Variants in MAFF observed in about 807,000 individuals in gnomAD.
The protein encoded by MAFF is transcription factor MafF.
Under a neutral mutation model 2.7 loss-of-function variants are expected in MAFF, and 4 were observed. The ratio of observed to expected loss-of-function variants is 1.48; its 90% CI spans 0.73 to 3.39. MAFF has a LOEUF of 3.39. Ranked by LOEUF, MAFF falls within the 30% of genes most tolerant of loss-of-function variation. The pLI, the probability that MAFF is intolerant of heterozygous loss-of-function variation, is 0.01. For missense variants in MAFF, 190 were observed against 246.6 expected (o/e 0.77, Z 1.54); for synonymous variants, 113 against 119.4 (o/e 0.95, Z 0.35).
At position 38,215,893 on chromosome 22, in the gene MAFF, C is replaced by G. The variant is rs940145701; in HGVS notation, c.*1015C>G. 1 of 167,168 alleles carries G rather than the reference C, an allele frequency of 6.0e-6. No homozygotes were observed. Among genetic ancestry groups the G allele is most frequent in the Non-Finnish European group, 1.5e-5 (1 of 68,164 alleles). The allele number at this position is 167,168 out of a possible 1,614,324, so 10.4% of individuals were successfully genotyped here. On this transcript the variant is annotated 3_prime_UTR_variant, in exon 3 of 3. Coordinates refer to ENST00000338483, the MANE Select transcript of MAFF (RefSeq NM_012323.4). The stretch of plus-strand genomic sequence containing the variant: ...GGAAGCCCAGTCTCAGTCCCTCCCC[C>G]AACACTGTCCACACTGCCCCTCCCC...
At chr22:38,203,165 C>T (rs1040008589) in intron 1 of MAFF, 2 of 152,264 alleles carry the variant, frequency 1.3e-5, no homozygotes, top group East Asian at 3.8e-4. Flanking sequence ...CGTTCGTCCC[C>T]AGGGTTGCCC....
chr22:38,214,387 G>T lies in MAFF; in HGVS notation c.37-33G>T. 6.5e-7 allele frequency: 1 copy of T among 1,543,960 alleles called. No individual in the cohort carries two copies. Reference sequence around the variant, plus strand: ...GGTGGAGCGGGGGGGCCCGTCCCCAGTCCCCTGGACCTCAGTTTCCTCATG... The same window carrying T: ...GGTGGAGCGGGGGGGCCCGTCCCCATTCCCCTGGACCTCAGTTTCCTCATG... On this transcript the variant is annotated intron_variant, in intron 2 of 2. Coordinates refer to ENST00000338483, the MANE Select transcript of MAFF (RefSeq NM_012323.4). The surrounding 1 kb of genome is among the most constrained non-coding windows in gnomAD (Gnocchi z 6.3).
chr22:38,210,623 A>AGTGTGTGTGT (rs71195095), intron 1 of MAFF, among the ~76,000 whole-genome samples: 18,654 of 132,846 alleles, frequency 0.14, 1,589 homozygotes, highest in East Asian at 0.21. Context: ...GGACACAGGG[A>AGTGTGTGTGT]GTGTGTGTGT....
chr22:38,215,020 G>A lies in MAFF; in HGVS notation c.*142G>A, dbSNP rs540474027. On this transcript the variant is annotated 3_prime_UTR_variant, in exon 3 of 3. Coordinates refer to ENST00000338483, the MANE Select transcript of MAFF (RefSeq NM_012323.4). Reference sequence around the variant, plus strand: ...CACACACATTCCCTTCGTGGGCCCTGTCTTCCTCTTGCAGCCCCCCAAACT... The same window carrying A: ...CACACACATTCCCTTCGTGGGCCCTATCTTCCTCTTGCAGCCCCCCAAACT... 4.4e-6 allele frequency: 3 copies of A among 679,266 alleles called. No homozygotes were observed. Among genetic ancestry groups the A allele is most frequent in the Non-Finnish European group, 7.7e-6 (3 of 390,404 alleles). The allele number at this position is 679,266 out of a possible 1,614,324, so 42.1% of individuals were successfully genotyped here.
chr22:38,207,225 G>A (rs897690225), intron 1 of MAFF, among the ~76,000 whole-genome samples: 2 of 150,168 alleles, frequency 1.3e-5, no homozygotes, highest in Admixed American at 6.7e-5. Flanking sequence ...GGTTCTAAGC[G>A]ATTCTCCTGC....
chr22:38,210,216 C>A (rs540289595), intron 1 of MAFF, among the ~76,000 whole-genome samples: 3 of 152,346 alleles, frequency 2.0e-5, no homozygotes, highest in Admixed American at 2.0e-4. Flanking sequence ...ACCTGGGTGA[C>A]CCCTAAGACT....
chr22:38,210,138 G>A (rs1451617151), intron 1 of MAFF, among the ~76,000 whole-genome samples: 1 of 152,174 alleles, frequency 6.6e-6, no homozygotes, highest in Non-Finnish European at 1.5e-5. Flanking sequence ...CCGTGGATCC[G>A]CACAGGGGTC....
chr22:38,213,198 A>AAAAAAAAG (rs2091115383), intron 1 of MAFF, among the ~76,000 whole-genome samples: 1 of 120,474 alleles, frequency 8.3e-6, no homozygotes, highest in East Asian at 2.5e-4. Flanking sequence ...AAAAAAAAAA[A>AAAAAAAAG]AAAGAAAGAA....
chr22:38,212,618 G>A (rs2091109490), intron 1 of MAFF, among the ~76,000 whole-genome samples: 1 of 152,172 alleles, frequency 6.6e-6, no homozygotes, highest in African/African-American at 2.4e-5. Context: ...GGAGGATTAG[G>A]AGATGAGAGG....
At position 38,202,080 on chromosome 22, in the gene MAFF, G is replaced by T. The variant is rs1442384031; in HGVS notation, c.-164G>T. 6.6e-6 allele frequency: 1 copy of T among 152,320 alleles called. No homozygotes were observed. Among genetic ancestry groups the T allele is most frequent in the African/African-American group, 2.4e-5 (1 of 41,468 alleles). 9.4% of individuals were successfully genotyped at this position (152,320 alleles called of 1,614,324 possible). On this transcript the variant is annotated 5_prime_UTR_variant, in exon 1 of 3. Transcript: ENST00000338483. This position sits in a 1 kb window ranked among gnomAD's most constrained non-coding sequence, Gnocchi z 7.4. ...CAACAAAACTCAGCGCAGCGCTCCCGGGCGCCCGGTTCAGAGCGACCTGCG... is the reference window on the plus strand; with the variant it reads ...CAACAAAACTCAGCGCAGCGCTCCCTGGCGCCCGGTTCAGAGCGACCTGCG...
intron 1 of MAFF, among the ~76,000 whole-genome samples, chr22:38,209,347 G>A (rs1195526714): frequency 1.3e-5 from 2 of 152,058 alleles, no homozygotes; most frequent in East Asian, 3.9e-4. Flanking sequence ...TTATAGGCAT[G>A]AGCCACCTTG....
chr22:38,211,163 G>A (rs2091097119), intron 1 of MAFF, among the ~76,000 whole-genome samples: 1 of 152,102 alleles, frequency 6.6e-6, no homozygotes, highest in African/African-American at 2.4e-5. Context: ...GGGTGTGGCT[G>A]AGGCAGGGGA....
intron 1 of MAFF, among the ~76,000 whole-genome samples, chr22:38,206,945 C>A (rs534517467): frequency 1.3e-5 from 2 of 152,216 alleles, no homozygotes; most frequent in African/African-American, 4.8e-5. Flanking sequence ...AATCGTATCC[C>A]TAGCGGGCCC....
At chr22:38,213,641 C>T (rs1350076078) in intron 1 of MAFF, 182 bp from the exon 2 acceptor site, 2 of 680,002 alleles carry the variant, frequency 2.9e-6, no homozygotes, top group East Asian at 5.7e-5. Context: ...CTGTGCACAG[C>T]TCCCGCGGCT....
At chr22:38,213,921 G>T in intron 2 of MAFF, 32 bp downstream of exon 2, 2 of 1,612,618 alleles carry the variant, frequency 1.2e-6, no homozygotes, top group South Asian at 2.2e-5. Context: ...ACCCAGTGAA[G>T]CCCTCCCTCC....
In MAFF at chr22:38,214,730, G is replaced by T; in HGVS notation, c.347G>T (p.Gly116Val). Residue 116 changes from glycine to valine, a missense_variant, in exon 3 of 3, where the codon GGC (glycine) becomes GTC (valine). Gly to Val is a moderately radical substitution (Grantham distance 109). Coordinates refer to ENST00000338483, the MANE Select transcript of MAFF (RefSeq NM_012323.4). This position sits in a 1 kb window ranked among gnomAD's most constrained non-coding sequence, Gnocchi z 6.3. ...ALRGKCEALQ[G>V]FARSVAAARG... ...CGCGGCAAGTGCGAGGCGCTGCAGGGCTTCGCGCGCTCCGTGGCCGCCGCC... is the reference window on the plus strand; with the variant it reads ...CGCGGCAAGTGCGAGGCGCTGCAGGTCTTCGCGCGCTCCGTGGCCGCCGCC... 1.4e-6 allele frequency: 2 copies of T among 1,443,250 alleles called. No homozygotes were observed. Among genetic ancestry groups the T allele is most frequent in the Non-Finnish European group, 1.8e-6 (2 of 1,107,700 alleles). The allele number at this position is 1,443,250 out of a possible 1,614,324, so 89.4% of individuals were successfully genotyped here.
chr22:38,207,136 T>TTA (rs2091058107), intron 1 of MAFF, among the ~76,000 whole-genome samples: 2 of 151,946 alleles, frequency 1.3e-5, no homozygotes, highest in African/African-American at 4.8e-5. Context: ...TATTATTATT[T>TTA]TTGAGATGGA....
In MAFF at chr22:38,214,228, G is replaced by T. The variant is rs1230482230; in HGVS notation, c.37-192G>T. On this transcript the variant is annotated intron_variant, in intron 2 of 2. Coordinates refer to ENST00000338483, the MANE Select transcript of MAFF (RefSeq NM_012323.4). The surrounding 1 kb of genome is among the most constrained non-coding windows in gnomAD (Gnocchi z 6.3). ...TAGGTTAGAATTCAGGCTGAGCCCC[G>T]GGGTGGCCTCCTTTTGTGTCCCGAT... 6.6e-6 allele frequency among the ~76,000 whole-genome samples: 1 copy of T among 152,242 alleles called. No individual in the cohort carries two copies. The highest frequency in any genetic ancestry group is 1.5e-5 in the Non-Finnish European group (1 of 68,040).
intron 1 of MAFF, among the ~76,000 whole-genome samples, chr22:38,206,033 G>C (rs2091048769): frequency 6.6e-6 from 1 of 152,148 alleles, no homozygotes; most frequent in Non-Finnish European, 1.5e-5. Flanking sequence ...AGGGCATGGA[G>C]GAGTGGGGGA....
Sources: gnomAD v4.1 joint callset for allele counts (sites outside exome capture counted in the v4.1 genomes callset) on GRCh38, gnomAD v4.1.1 for gene constraint, Gnocchi (gnomAD v3.1) non-coding constraint, MANE v1.5 for transcripts, NCBI Gene and HGNC (gene_info 2026-07-23, HGNC 2026-07-21) for gene names.